EVI5: variants seen among roughly 807,000 people sequenced by gnomAD.
EVI5 encodes the protein ecotropic viral integration site 5 protein homolog.
A neutral mutation model predicts 112.0 loss-of-function variants in EVI5; 73 were observed. The observed-to-expected ratio is 0.65, with a 90% CI of 0.54 to 0.79. The LOEUF is 0.79. EVI5 is among the 30% of genes least tolerant of loss of function. The pLI is 0.00. For missense variants in EVI5, 900 were observed against 968.8 expected, an observed-to-expected ratio of 0.93 and a Z score of 0.94; for synonymous variants, 305 against 319.9, an observed-to-expected ratio of 0.95 and a Z score of 0.50.
At chr1:92,699,460 T>C (rs562995679) in intron 5 of EVI5, among the ~76,000 whole-genome samples, 2 of 152,274 alleles carry the variant, frequency 1.3e-5, no homozygotes, top group Admixed American at 6.5e-5. Context: ...GTATCTCCCC[T>C]AAGAATATTT....
chr1:92,659,636 G>A (rs886224436), intron 13 of EVI5, among the ~76,000 whole-genome samples: 52 of 152,074 alleles, frequency 3.4e-4, no homozygotes, highest in African/African-American at 1.2e-3. Context: ...ATACACTACT[G>A]GTGGGAATGG....
intron 1 of EVI5, among the ~76,000 whole-genome samples, chr1:92,777,936 T>C (rs1684369228): frequency 7.2e-6 from 1 of 137,976 alleles, no homozygotes; most frequent in Admixed American, 7.9e-5. Flanking sequence ...TGTGACGGAG[T>C]GTCACTCTGT....
chr1:92,742,730 A>G (rs1462414415), intron 1 of EVI5, among the ~76,000 whole-genome samples: 1 of 152,184 alleles, frequency 6.6e-6, no homozygotes, highest in Non-Finnish European at 1.5e-5. Flanking sequence ...CCACAATGAG[A>G]TATCATTTCA....
intron 9 of EVI5, among the ~76,000 whole-genome samples, chr1:92,692,988 T>C (rs2065916): frequency 0.92 from 140,236 of 152,250 alleles, 64,675 homozygotes; most frequent in East Asian, 0.97. Flanking sequence ...ATAAAACTAA[T>C]GAGCAGAGAC....
intron 19 of EVI5, among the ~76,000 whole-genome samples, chr1:92,544,120 T>G (rs1665283730): frequency 6.6e-6 from 1 of 152,144 alleles, no homozygotes; most frequent in Admixed American, 6.5e-5. Flanking sequence ...TGTCCAGAAT[T>G]GGGAAATGTG....
At chr1:92,531,082 G>A (rs761903456) in intron 19 of EVI5, among the ~76,000 whole-genome samples, 2 of 151,954 alleles carry the variant, frequency 1.3e-5, no homozygotes. Flanking sequence ...CCAGTTTAGA[G>A]AAGAACATAA....
chr1:92,717,476 TTA>T (rs1361698566), intron 2 of EVI5, among the ~76,000 whole-genome samples: 37 of 152,196 alleles, frequency 2.4e-4, no homozygotes, highest in African/African-American at 8.2e-4. Context: ...ATAAAATCCT[TTA>T]CAGACAAGCA....
At chr1:92,528,957 TAAATA>T (rs1023563476) in intron 19 of EVI5, among the ~76,000 whole-genome samples, 13 of 152,180 alleles carry the variant, frequency 8.5e-5, no homozygotes, top group African/African-American at 3.1e-4. Flanking sequence ...AAATGTATCC[TAAATA>T]AAAGTCTAAG....
intron 2 of EVI5, among the ~76,000 whole-genome samples, chr1:92,725,800 A>G (rs935620992): frequency 1.3e-5 from 2 of 152,146 alleles, no homozygotes; most frequent in African/African-American, 4.8e-5. Context: ...TCAATCCATC[A>G]AAAGCAAACC....
chr1:92,591,583 C>T (rs1339176719), intron 18 of EVI5, among the ~76,000 whole-genome samples: 1 of 152,140 alleles, frequency 6.6e-6, no homozygotes. Flanking sequence ...ATATATGCAC[C>T]CAATACAGGC....
chr1:92,701,142 T>C (rs1311930778), intron 5 of EVI5, among the ~76,000 whole-genome samples: 1 of 152,146 alleles, frequency 6.6e-6, no homozygotes, highest in Admixed American at 6.5e-5. Context: ...CTTAGAAAAG[T>C]GTATACTCCT....
At chr1:92,688,767 T>C (rs1317045520) in intron 9 of EVI5, among the ~76,000 whole-genome samples, 1 of 152,226 alleles carries the variant, frequency 6.6e-6, no homozygotes, top group Non-Finnish European at 1.5e-5. Flanking sequence ...ACGGGTTAGG[T>C]ATCTCTAACA....
chr1:92,599,269 A>G (rs1648607897), intron 18 of EVI5, among the ~76,000 whole-genome samples: 1 of 151,996 alleles, frequency 6.6e-6, no homozygotes, highest in Non-Finnish European at 1.5e-5. Context: ...GAAGAGTTTG[A>G]AAGAATTCGG....
chr1:92,571,921 A>C (rs1167559553), intron 18 of EVI5, among the ~76,000 whole-genome samples: 4 of 152,192 alleles, frequency 2.6e-5, no homozygotes, highest in Non-Finnish European at 5.9e-5. Context: ...AAAGACGCCC[A>C]ACATATCAAC....
At chr1:92,590,596 A>C (rs1673655827) in intron 18 of EVI5, among the ~76,000 whole-genome samples, 1 of 152,238 alleles carries the variant, frequency 6.6e-6, no homozygotes, top group Non-Finnish European at 1.5e-5. Context: ...ACAGTCTCCA[A>C]GAAATATGGG....
At chr1:92,724,710 A>AG (rs1431562367) in intron 2 of EVI5, among the ~76,000 whole-genome samples, 6 of 152,214 alleles carry the variant, frequency 3.9e-5, no homozygotes, top group African/African-American at 1.4e-4. Context: ...CGGGAGGCAG[A>AG]GGTGGAAGGA....
At chr1:92,716,774 T>G (rs1673769966) in intron 2 of EVI5, among the ~76,000 whole-genome samples, 1 of 150,706 alleles carries the variant, frequency 6.6e-6, no homozygotes. Context: ...GAGAAGACCT[T>G]AAATGACTTG....
chr1:92,684,785 A>C (rs573738628), intron 9 of EVI5, among the ~76,000 whole-genome samples: 1 of 152,280 alleles, frequency 6.6e-6, no homozygotes, highest in South Asian at 2.1e-4. Flanking sequence ...CTTTAAACCA[A>C]CAAAGATAAA....
chr1:92,519,138 G>T (rs1024605692), intron 19 of EVI5, among the ~76,000 whole-genome samples: 1 of 151,956 alleles, frequency 6.6e-6, no homozygotes, highest in Admixed American at 6.6e-5. Context: ...ATTTTTTCAG[G>T]AAAGTAGATA....
Sources: allele counts gnomAD v4.1 joint callset (sites outside exome capture counted in the v4.1 genomes callset), GRCh38; gene constraint gnomAD v4.1.1; transcripts MANE v1.5; gene names NCBI Gene and HGNC (gene_info 2026-07-23, HGNC 2026-07-21).